Variants in MACO1 observed in about 807,000 individuals in gnomAD.
The protein encoded by MACO1 is macoilin 1, also known as macoilin.
In MACO1, 14 loss-of-function variants were observed where a neutral mutation model predicts 78.7. The observed-to-expected ratio is 0.18, with a 90% CI of 0.12 to 0.28. The LOEUF is 0.28. Ranked by LOEUF, MACO1 falls within the 10% of genes least tolerant of loss-of-function variation. The pLI is 1.00. For synonymous variants in MACO1, 288 were observed against 291.6 expected, an observed-to-expected ratio of 0.99 and a Z score of 0.12; for missense variants, 501 against 799.0, an observed-to-expected ratio of 0.63 and a Z score of 4.50.
At position 25,498,400 on chromosome 1, in the gene MACO1, A is replaced by C. The variant is rs2043556575; in HGVS notation, c.1929A>C (p.Lys643Asn). 1.9e-6 allele frequency: 3 copies of C among 1,613,848 alleles called. No homozygotes were observed. Among genetic ancestry groups the C allele is most frequent in the Non-Finnish European group, 2.5e-6 (3 of 1,179,946 alleles). ...LSPVSPHYSS[K>N]FVETSPSGLD... is the part of the protein sequence containing the mutation. ...CTGTTTCCCCCCACTACTCTTCCAAATTTGTGGAGACCAGCCCCTCTGGAC... is the reference window on the plus strand; with the variant it reads ...CTGTTTCCCCCCACTACTCTTCCAACTTTGTGGAGACCAGCCCCTCTGGAC... Residue 643 changes from lysine (K) to asparagine (N), a missense_variant, in exon 11 of 11, where the codon AAA becomes AAC. By Grantham distance (94) the Lys-to-Asn change is moderately conservative. This residue lies in a region of MACO1 where 66 missense variants were observed against 101.6 expected (regional missense o/e 0.65). Transcript: ENST00000374343.
chr1:25,477,706 C>G (rs1333674201), intron 6 of MACO1, among the ~76,000 whole-genome samples: 1 of 152,128 alleles, frequency 6.6e-6, no homozygotes, highest in Non-Finnish European at 1.5e-5. Flanking sequence ...AATTTACTGC[C>G]CTGATGCCTT....
At chr1:25,439,853 T>G (rs2042954143) in intron 1 of MACO1, among the ~76,000 whole-genome samples, 1 of 151,784 alleles carries the variant, frequency 6.6e-6, no homozygotes, top group Non-Finnish European at 1.5e-5. Context: ...ACCCCGTCTC[T>G]ACTAAAAATG....
intron 6 of MACO1, among the ~76,000 whole-genome samples, chr1:25,468,592 CTT>C (rs1164487697): frequency 1.3e-5 from 2 of 152,190 alleles, no homozygotes; most frequent in African/African-American, 4.8e-5. Context: ...AATACTCACT[CTT>C]TTATTCCGCT....
At chr1:25,437,723 T>G (rs1401105416) in intron 1 of MACO1, among the ~76,000 whole-genome samples, 4 of 152,096 alleles carry the variant, frequency 2.6e-5, no homozygotes, top group Non-Finnish European at 4.4e-5. Flanking sequence ...AGTTCAAGAC[T>G]AGCCTAGGTA....
At chr1:25,438,059 G>A (rs1443945679) in intron 1 of MACO1, among the ~76,000 whole-genome samples, 6 of 152,080 alleles carry the variant, frequency 3.9e-5, no homozygotes, top group Non-Finnish European at 7.4e-5. Flanking sequence ...AGGTTTTCAC[G>A]GTTTTGTAGT....
chr1:25,482,511 C>T (rs2043388793), intron 6 of MACO1, among the ~76,000 whole-genome samples: 1 of 152,124 alleles, frequency 6.6e-6, no homozygotes, highest in African/African-American at 2.4e-5. Flanking sequence ...GCTGTTCCTG[C>T]CTTTGAGTTT....
At chr1:25,473,879 TCTC>T (rs2043296667) in intron 6 of MACO1, among the ~76,000 whole-genome samples, 2 of 152,172 alleles carry the variant, frequency 1.3e-5, no homozygotes. Context: ...GAATGACAAC[TCTC>T]CTCTATCACA....
At chr1:25,444,967 C>T (rs2043002902) in intron 1 of MACO1, among the ~76,000 whole-genome samples, 1 of 151,766 alleles carries the variant, frequency 6.6e-6, no homozygotes, top group East Asian at 1.9e-4. Flanking sequence ...CTTCATCTGG[C>T]CAGCAGAACT....
intron 1 of MACO1, among the ~76,000 whole-genome samples, chr1:25,435,641 C>A (rs561498466): frequency 1.8e-4 from 28 of 152,196 alleles, no homozygotes; most frequent in Non-Finnish European, 3.8e-4. Context: ...TGTTCTGCAA[C>A]TGAAACCCCA....
At chr1:25,445,295 T>C (rs1432875634) in intron 1 of MACO1, among the ~76,000 whole-genome samples, 1 of 149,824 alleles carries the variant, frequency 6.7e-6, no homozygotes, top group African/African-American at 2.5e-5. Flanking sequence ...CAAGACCCTG[T>C]CTCAAAAAAA....
chr1:25,462,760 A>G (rs1273232399), intron 6 of MACO1, among the ~76,000 whole-genome samples: 3 of 59,118 alleles, frequency 5.1e-5, no homozygotes, highest in Admixed American at 2.0e-4. Flanking sequence ...TGGCTGTCCA[A>G]TTAAGGTTTG....
At chr1:25,447,201 A>G (rs2043024020) in intron 2 of MACO1, among the ~76,000 whole-genome samples, 1 of 141,508 alleles carries the variant, frequency 7.1e-6, no homozygotes, top group Non-Finnish European at 1.6e-5. Flanking sequence ...TGCAACCATA[A>G]AGGCCGTTCC....
At chr1:25,484,310 G>A (rs751338229) in intron 7 of MACO1, 36 bp downstream of exon 7, 33 of 1,541,412 alleles carry the variant, frequency 2.1e-5, no homozygotes, top group African/African-American at 2.8e-5. Flanking sequence ...CCGTAAGCCC[G>A]GCAGCTTCAC....
At position 25,499,434 on chromosome 1, in the gene MACO1, G is replaced by A. The variant is rs866360699; in HGVS notation, c.*968G>A. 62 of 151,354 alleles carry A rather than the reference G, an allele frequency of 4.1e-4. No individual in the cohort carries two copies. Among genetic ancestry groups the A allele is most frequent in the Middle Eastern group, 3.4e-3 (1 of 292 alleles). 9.4% of individuals were successfully genotyped at this position (151,354 alleles called of 1,614,324 possible). On this transcript the variant is annotated 3_prime_UTR_variant, in exon 11 of 11. Coordinates refer to ENST00000374343, the MANE Select transcript of MACO1 (RefSeq NM_018202.6). ...TAACGATGGCTAATAAAAGCTGCGG[G>A]TCTAGGTTTTTTTTTTTTTGTTTTG... is the stretch of plus-strand genomic sequence containing the variant.
At chr1:25,434,213 A>C (rs755430318) in intron 1 of MACO1, among the ~76,000 whole-genome samples, 2 of 152,242 alleles carry the variant, frequency 1.3e-5, no homozygotes, top group Non-Finnish European at 2.9e-5. Context: ...ATTTTAGTCC[A>C]GTTAATAATT....
rs1376210330 is a variant in MACO1 at position 25,499,238 on chromosome 1, A to G, written c.*772A>G. On this transcript the variant is annotated 3_prime_UTR_variant, in exon 11 of 11. Coordinates refer to ENST00000374343, the MANE Select transcript of MACO1 (RefSeq NM_018202.6). ...TTACCGTCATCTATCCTCTATCTGT[A>G]TCAAGCTCACTGCGGATCCTGCTGT... is the stretch of plus-strand genomic sequence containing the variant. The G allele has an allele frequency of 2.6e-5, 4 of 152,178 alleles. No homozygotes were observed. The highest frequency in any genetic ancestry group is 2.6e-4 in the Admixed American group (4 of 15,284). The allele number at this position is 152,178 out of a possible 1,614,324, so 9.4% of individuals were successfully genotyped here.
At chr1:25,443,597 A>G (rs550351249) in intron 1 of MACO1, among the ~76,000 whole-genome samples, 1 of 152,394 alleles carries the variant, frequency 6.6e-6, no homozygotes, top group African/African-American at 2.4e-5. Context: ...TTGAAAAAGA[A>G]TAGTCACTAA....
At position 25,498,937 on chromosome 1, in the gene MACO1, A is replaced by G. The variant is rs2043561688; in HGVS notation, c.*471A>G. 1 of 153,530 alleles carries G rather than the reference A, an allele frequency of 6.5e-6. No homozygotes were observed. The highest frequency in any genetic ancestry group is 2.4e-5 in the African/African-American group (1 of 41,488). The allele number at this position is 153,530 out of a possible 1,614,324, so 9.5% of individuals were successfully genotyped here. A position where few individuals can be genotyped will look rare whatever the true frequency, so the allele number is the denominator to read the frequency against. On this transcript the variant is annotated 3_prime_UTR_variant, in exon 11 of 11. Coordinates refer to ENST00000374343, the MANE Select transcript of MACO1 (RefSeq NM_018202.6). ...AGTAACCTAACAGAGCTTTGATGTT[A>G]TAGCTGCATTAAAGAAGGTGATTGT...
intron 1 of MACO1, among the ~76,000 whole-genome samples, chr1:25,440,016 CA>C (rs200908330): frequency 3.7e-3 from 393 of 106,946 alleles, no homozygotes; most frequent in Middle Eastern, 5.2e-3. Flanking sequence ...AACTCTGTCT[CA>C]AAAAAAAAAA....
Sources: gnomAD v4.1 joint callset for allele counts (sites outside exome capture counted in the v4.1 genomes callset) on GRCh38, gnomAD v4.1.1 for gene constraint, gnomAD v4.1.1 regional missense constraint, MANE v1.5 for transcripts, NCBI Gene and HGNC (gene_info 2026-07-23, HGNC 2026-07-21) for gene names.